Variants in CDKL4 observed in about 807,000 individuals in gnomAD.
CDKL4 encodes the protein cyclin dependent kinase like 4.
In CDKL4, 44 loss-of-function variants were observed where a neutral mutation model predicts 42.0. That is an observed-to-expected ratio of 1.05 (90% CI 0.82 to 1.35). The LOEUF (loss-of-function observed/expected upper bound fraction) is 1.35. CDKL4 is among the 40% of genes most tolerant of loss of function. The probability of loss-of-function intolerance (pLI) is 0.00; values close to 1 mark genes in which losing one functional copy is unlikely to be tolerated. For missense variants in CDKL4, 393 were observed against 369.9 expected, an observed-to-expected ratio of 1.06 and a Z score of -0.51; for synonymous variants, 120 against 121.6, an observed-to-expected ratio of 0.99 and a Z score of 0.09.
At chr2:39,188,442 G>T (rs1333481910) in intron 6 of CDKL4, among the ~76,000 whole-genome samples, 1 of 149,772 alleles carries the variant, frequency 6.7e-6, no homozygotes, top group Non-Finnish European at 1.5e-5. Flanking sequence ...CGCACCTATA[G>T]TCCCAGCTAC....
downstream of CDKL4, among the ~76,000 whole-genome samples, chr2:39,174,279 G>T (rs575083340): frequency 6.6e-6 from 1 of 151,770 alleles, no homozygotes; most frequent in African/African-American, 2.4e-5. Flanking sequence ...GGTGGCACCC[G>T]CTGTAGTCCC....
chr2:39,197,238 T>G (rs903525708), intron 5 of CDKL4, among the ~76,000 whole-genome samples: 8 of 152,128 alleles, frequency 5.3e-5, no homozygotes, highest in South Asian at 2.1e-4. Context: ...ACTTCAGCGC[T>G]TGAAGACCAG....
At chr2:39,200,709 G>C (rs1383306560) in intron 5 of CDKL4, among the ~76,000 whole-genome samples, 1 of 152,090 alleles carries the variant, frequency 6.6e-6, no homozygotes, top group Admixed American at 6.6e-5. Flanking sequence ...AATGATCTTT[G>C]ACAAAGCAAA....
At chr2:39,168,319 G>C in the CDKL4 span, among the ~76,000 whole-genome samples, 1 of 152,038 alleles carries the variant, frequency 6.6e-6, no homozygotes, top group Non-Finnish European at 1.5e-5. Context: ...TTAGACATAT[G>C]GTCAATGAGT....
At chr2:39,172,289 G>T (rs1675022957), downstream of CDKL4, among the ~76,000 whole-genome samples, 1 of 151,280 alleles carries the variant, frequency 6.6e-6, no homozygotes, top group Admixed American at 6.6e-5. Context: ...TCCAGCCTGG[G>T]CATGACAGGG....
At chr2:39,174,778 T>A (rs1675101617), downstream of CDKL4, among the ~76,000 whole-genome samples, 1 of 152,236 alleles carries the variant, frequency 6.6e-6, no homozygotes, top group Non-Finnish European at 1.5e-5. Flanking sequence ...TTATATGAGT[T>A]CCTTGTTAGC....
chr2:39,209,595 A>G (rs1287578402), intron 4 of CDKL4, among the ~76,000 whole-genome samples: 2 of 152,192 alleles, frequency 1.3e-5, no homozygotes, highest in African/African-American at 4.8e-5. Context: ...CTCAGATTCA[A>G]CATTTCTAAA....
chr2:39,219,869 C>A (rs1225707639), intron 3 of CDKL4, among the ~76,000 whole-genome samples: 1 of 152,074 alleles, frequency 6.6e-6, no homozygotes, highest in Non-Finnish European at 1.5e-5. Context: ...TCTAACTTCA[C>A]TGGAGAAATT....
downstream of CDKL4, among the ~76,000 whole-genome samples, chr2:39,171,299 AATGAAG>A (rs1224458788): frequency 6.6e-6 from 1 of 152,072 alleles, no homozygotes; most frequent in African/African-American, 2.4e-5. Context: ...CTGCAAGTGC[AATGAAG>A]AACTGTGATA....
At chr2:39,228,364 A>AGTTT (rs1002535643) in intron 2 of CDKL4, among the ~76,000 whole-genome samples, 13 of 152,182 alleles carry the variant, frequency 8.5e-5, no homozygotes, top group African/African-American at 3.1e-4. Flanking sequence ...TATTTCAAAC[A>AGTTT]AAACCCTAGT....
At chr2:39,247,001 T>G (rs1006563231), upstream of CDKL4, among the ~76,000 whole-genome samples, 2 of 152,210 alleles carry the variant, frequency 1.3e-5, no homozygotes, top group Admixed American at 6.5e-5. Context: ...CACCTCAGCC[T>G]CCCAGTGTTG....
intron 8 of CDKL4, among the ~76,000 whole-genome samples, chr2:39,180,875 G>C (rs1157594838): frequency 6.6e-6 from 1 of 152,066 alleles, no homozygotes; most frequent in African/African-American, 2.4e-5. Context: ...ATTTTTAGTA[G>C]AGACAGGTTC....
At chr2:39,223,204 C>T (rs1678483873) in intron 3 of CDKL4, among the ~76,000 whole-genome samples, 1 of 152,084 alleles carries the variant, frequency 6.6e-6, no homozygotes, top group Non-Finnish European at 1.5e-5. Context: ...CAATTATTTA[C>T]TGTTGGAAAA....
At chr2:39,169,888 T>G in the CDKL4 span, among the ~76,000 whole-genome samples, 1 of 152,112 alleles carries the variant, frequency 6.6e-6, no homozygotes, top group Admixed American at 6.6e-5. Context: ...AACCTCCGCC[T>G]CCTGGCTCAA....
At chr2:39,211,420 G>T (rs1218010772) in intron 4 of CDKL4, among the ~76,000 whole-genome samples, 1 of 152,086 alleles carries the variant, frequency 6.6e-6, no homozygotes, top group African/African-American at 2.4e-5. Flanking sequence ...GGTACCAGGA[G>T]CCAACTTGAA....
chr2:39,190,458 G>A lies in CDKL4; in HGVS notation c.499C>T (p.Arg167Ter), dbSNP rs771548328. 3.7e-6 allele frequency: 6 copies of A among 1,613,996 alleles called. No homozygotes were observed. The highest frequency in any genetic ancestry group is 2.2e-5 in the East Asian group (1 of 44,874). Reference sequence around the variant, plus strand: ...TCTCCCACAAGAAGTTCAGGAGCTCGGTACCATCTCGTAGCTACATAATCG... The same window carrying A: ...TCTCCCACAAGAAGTTCAGGAGCTCAGTACCATCTCGTAGCTACATAATCG... The change falls in exon 6 of 10, where the codon CGA becomes TGA. Residue 167 changes from arginine (R) to a stop codon, truncating the protein, a stop_gained. Coordinates refer to ENST00000451199, the Ensembl canonical transcript of CDKL4. LOFTEE classifies it high-confidence loss of function.
intron 5 of CDKL4, 80 bp from the exon 6 acceptor site, chr2:39,190,582 G>T: frequency 2.5e-6 from 3 of 1,216,680 alleles, no homozygotes; most frequent in Non-Finnish European, 2.4e-6. Context: ...AGGCATTCAG[G>T]CTGCAATAAC....
the CDKL4 span, among the ~76,000 whole-genome samples, chr2:39,168,456 C>A: frequency 6.6e-6 from 1 of 152,154 alleles, no homozygotes; most frequent in African/African-American, 2.4e-5. Flanking sequence ...CTGAGCCAGG[C>A]CAGGCGCGGT....
intron 3 of CDKL4, among the ~76,000 whole-genome samples, chr2:39,224,228 A>C (rs1678553949): frequency 6.6e-6 from 1 of 152,100 alleles, no homozygotes; most frequent in African/African-American, 2.4e-5. Flanking sequence ...TTTGACAGTT[A>C]AAAGTCCCTT....
Sources: gnomAD v4.1 joint callset for allele counts (sites outside exome capture counted in the v4.1 genomes callset) on GRCh38, gnomAD v4.1.1 for gene constraint, MANE v1.5 for transcripts, NCBI Gene and HGNC (gene_info 2026-07-23, HGNC 2026-07-21) for gene names.